The following KCNQ1 variants were observed in gnomAD, a reference collection of about 807,000 sequenced individuals.
KCNQ1 encodes potassium voltage-gated channel subfamily Q member 1, also known as potassium voltage-gated channel subfamily KQT member 1.
Under a neutral mutation model 72.4 loss-of-function variants are expected in KCNQ1, and 49 were observed. That is an observed-to-expected ratio of 0.68 (90% CI 0.54 to 0.86). The LOEUF (loss-of-function observed/expected upper bound fraction) is 0.86. Among genes scored for constraint, KCNQ1 ranks in the 40% least tolerant of loss-of-function variants. The probability of loss-of-function intolerance (pLI) is 0.00; values close to 1 mark genes in which losing one functional copy is unlikely to be tolerated. For synonymous variants in KCNQ1, 450 were observed against 412.6 expected (o/e 1.09, Z -1.10); for missense variants, 790 against 945.1 (o/e 0.84, Z 2.15).
Position 2,598,221 on chromosome 11 carries a change from C to G in KCNQ1, c.1393+9367C>G, listed in dbSNP as rs2133773169. Reference sequence around the variant, plus strand: ...GCAGCTTTAGCTGTGACACGTAGATCTGATTATGAAATATGTTCCTTTTCA... The same window carrying G: ...GCAGCTTTAGCTGTGACACGTAGATGTGATTATGAAATATGTTCCTTTTCA... On this transcript the variant is annotated intron_variant, in intron 10 of 15. Transcript: ENST00000155840. This position sits in a 1 kb window ranked among gnomAD's most constrained non-coding sequence, Gnocchi z 6.2. Among the ~76,000 whole-genome samples, 2 of 152,270 alleles carry G rather than the reference C, an allele frequency of 1.3e-5. No individual in the cohort carries two copies. Among genetic ancestry groups the G allele is most frequent in the South Asian group, 4.1e-4 (2 of 4,834 alleles).
chr11:2,728,768 G>T (rs1286884493), intron 11 of KCNQ1, among the ~76,000 whole-genome samples: 2 of 152,204 alleles, frequency 1.3e-5, no homozygotes, highest in East Asian at 3.8e-4. Flanking sequence ...GCTGAGGCCG[G>T]AGCAGAGCGT....
intron 10 of KCNQ1, chr11:2,629,641 A>G: frequency 2.5e-6 from 1 of 398,520 alleles, no homozygotes. Flanking sequence ...ATGCGTTCAT[A>G]TATGAAAGGA....
rs986222426 is a variant in KCNQ1 at position 2,475,784 on chromosome 11, T to A, written c.386+30300T>A. Reference sequence around the variant, plus strand: ...GTAATAGTGAATACGTCTCATAAGATCTGATGGTTTTAAAAAGAGGCATTC... The same window carrying A: ...GTAATAGTGAATACGTCTCATAAGAACTGATGGTTTTAAAAAGAGGCATTC... On this transcript the variant is annotated intron_variant, in intron 1 of 15. Coordinates refer to ENST00000155840, the MANE Select transcript of KCNQ1 (RefSeq NM_000218.3). The surrounding 1 kb of genome is among the most constrained non-coding windows in gnomAD (Gnocchi z 5.8). Among the ~76,000 whole-genome samples the A allele has an allele frequency of 2.6e-5, 4 of 152,168 alleles. No homozygotes were observed. Among genetic ancestry groups the A allele is most frequent in the African/African-American group, 4.8e-5 (2 of 41,422 alleles).
At chr11:2,539,025 G>A (rs934357003) in intron 2 of KCNQ1, among the ~76,000 whole-genome samples, 4 of 152,212 alleles carry the variant, frequency 2.6e-5, no homozygotes, top group African/African-American at 9.7e-5. Context: ...ACCTGGGTTT[G>A]AGGAACCTGG....
chr11:2,745,963 C>T lies in KCNQ1; in HGVS notation c.1515-22881C>T, dbSNP rs1487443208. On this transcript the variant is annotated intron_variant, in intron 11 of 15. Transcript: ENST00000155840. The surrounding 1 kb of genome is among the most constrained non-coding windows in gnomAD (Gnocchi z 6.2). ...GGAGTGCAGTGGTGCGATCTCGGCT[C>T]ACTGCAAACTCCACCTCCCGGGTTC... 1.3e-5 allele frequency among the ~76,000 whole-genome samples: 2 copies of T among 152,170 alleles called. No homozygotes were observed. The highest frequency in any genetic ancestry group is 2.9e-5 in the Non-Finnish European group (2 of 68,024).
chr11:2,637,173 C>CT (rs1849485594), intron 10 of KCNQ1: 1 of 151,722 alleles, frequency 6.6e-6, no homozygotes, highest in East Asian at 1.9e-4. Context: ...TTTTGTGTCT[C>CT]TATCTCCTTC....
chr11:2,834,743 A>T (rs1848027203), intron 15 of KCNQ1, among the ~76,000 whole-genome samples: 1 of 152,220 alleles, frequency 6.6e-6, no homozygotes, highest in Non-Finnish European at 1.5e-5. Context: ...CCCAAGCCCC[A>T]GATGGGCCTC....
Position 2,608,869 on chromosome 11 carries a change from C to A in KCNQ1, c.1393+20015C>A. The stretch of plus-strand genomic sequence containing the variant: ...GAGTTTTCTCTCTCCCCCTTTGCCT[C>A]ATGCACTTCCCTCTCTGTCTTTCCT... On this transcript the variant is annotated intron_variant, in intron 10 of 15. Coordinates refer to ENST00000155840, the MANE Select transcript of KCNQ1 (RefSeq NM_000218.3). This position sits in a 1 kb window ranked among gnomAD's most constrained non-coding sequence, Gnocchi z 4.6. 2.5e-6 allele frequency: 1 copy of A among 398,468 alleles called. No homozygotes were observed. 24.7% of individuals were successfully genotyped at this position (398,468 alleles called of 1,614,324 possible). A position where few individuals can be genotyped will look rare whatever the true frequency, so the allele number is the denominator to read the frequency against.
At chr11:2,583,755 CA>C (rs974345044) in intron 7 of KCNQ1, among the ~76,000 whole-genome samples, 6 of 152,218 alleles carry the variant, frequency 3.9e-5, no homozygotes, top group African/African-American at 1.4e-4. Flanking sequence ...GGGGTCCTTG[CA>C]GGCAGTGTGG....
chr11:2,620,503 ACCG>A lies in KCNQ1; in HGVS notation c.1393+31651_1393+31653del, dbSNP rs1381157977. The A allele has an allele frequency of 8.0e-6, 3 of 372,986 alleles. No homozygotes were observed. The East Asian group carries it at 1.2e-4, about 14-fold the overall frequency. The allele number at this position is 372,986 out of a possible 1,614,324, so 23.1% of individuals were successfully genotyped here. Reference sequence around the variant, plus strand: ...AGTGCTGGGATTACAGGTGAGAGCTACCGCACCTGGCCGAATTCATTCATTTTT... The same window carrying A: ...AGTGCTGGGATTACAGGTGAGAGCTACACCTGGCCGAATTCATTCATTTTT... On this transcript the variant is annotated intron_variant, in intron 10 of 15. Coordinates refer to ENST00000155840, the MANE Select transcript of KCNQ1 (RefSeq NM_000218.3). The surrounding 1 kb of genome is among the most constrained non-coding windows in gnomAD (Gnocchi z 4.5).
chr11:2,489,430 T>C (rs1192836108), intron 1 of KCNQ1, among the ~76,000 whole-genome samples: 5 of 152,180 alleles, frequency 3.3e-5, no homozygotes, highest in Non-Finnish European at 4.4e-5. Flanking sequence ...CACCACGGGC[T>C]AAAGTGCTCT....
At chr11:2,688,951 CTAGGGCTCTGAGAG>C in intron 11 of KCNQ1, 1 of 398,858 alleles carries the variant, frequency 2.5e-6, no homozygotes, top group South Asian at 1.3e-4. Context: ...CCCACTGGGC[CTAGGGCTCTGAGAG>C]TAGGGGTCTG....
intron 15 of KCNQ1, among the ~76,000 whole-genome samples, chr11:2,788,219 C>T (rs1358487647): frequency 2.0e-5 from 3 of 152,108 alleles, no homozygotes; most frequent in African/African-American, 7.2e-5. Context: ...CCACAGCATC[C>T]TCCCCAAGTT....
intron 1 of KCNQ1, among the ~76,000 whole-genome samples, chr11:2,459,159 C>T (rs977038808): frequency 2.0e-5 from 3 of 152,184 alleles, no homozygotes; most frequent in Admixed American, 6.5e-5. Flanking sequence ...CATGTTACCT[C>T]AACTGCAAAA....
rs553236946 is a variant in KCNQ1 at position 2,699,548 on chromosome 11, C to G, written c.1514+37467C>G. 63 of 355,238 alleles carry G rather than the reference C, an allele frequency of 1.8e-4. No individual in the cohort carries two copies. Among genetic ancestry groups the G allele is most frequent in the African/African-American group, 1.4e-3 (62 of 44,174 alleles). The allele number at this position is 355,238 out of a possible 1,614,324, so 22.0% of individuals were successfully genotyped here. ...CCGCGCTGAGGAGGCCCAGGGAGGA[C>G]CGCGCGGAGGAGAACCATGCTGAGG... On this transcript the variant is annotated intron_variant, in intron 11 of 15. Transcript: ENST00000155840.
intron 11 of KCNQ1, among the ~76,000 whole-genome samples, chr11:2,757,879 T>A (rs747357683): frequency 6.6e-6 from 1 of 152,248 alleles, no homozygotes; most frequent in Non-Finnish European, 1.5e-5. Flanking sequence ...ATTAAAACCC[T>A]GACCTAAGTC....
In KCNQ1 at chr11:2,725,303, C is replaced by A. The variant is rs1036068574; in HGVS notation, c.1515-43541C>A. Among the ~76,000 whole-genome samples the A allele has an allele frequency of 6.6e-6, 1 of 152,204 alleles. No homozygotes were observed. The highest frequency in any genetic ancestry group is 2.4e-5 in the African/African-American group (1 of 41,452). On this transcript the variant is annotated intron_variant, in intron 11 of 15. Transcript: ENST00000155840. The surrounding 1 kb of genome is among the most constrained non-coding windows in gnomAD (Gnocchi z 7.2). Reference sequence around the variant, plus strand: ...AGGGTCGGGGGCTCAGCCACGGGACCAGCGCTTGCCAGAAATGTTCCCAGC... The same window carrying A: ...AGGGTCGGGGGCTCAGCCACGGGACAAGCGCTTGCCAGAAATGTTCCCAGC...
chr11:2,510,574 C>G (rs1038532692), intron 1 of KCNQ1, among the ~76,000 whole-genome samples: 1 of 152,194 alleles, frequency 6.6e-6, no homozygotes, highest in African/African-American at 2.4e-5. Flanking sequence ...CCACTGCACT[C>G]CAGTCTGGGT....
Position 2,830,035 on chromosome 11 carries a change from GGGAGGAGGAAGGAGGAGGGA to G in KCNQ1, c.1795-17726_1795-17707del. 9.7e-6 allele frequency among the ~76,000 whole-genome samples: 1 copy of G among 103,496 alleles called. No homozygotes were observed. The highest frequency in any genetic ancestry group is 2.3e-5 in the Non-Finnish European group (1 of 43,608). The allele number at this position is 103,496 out of a possible 152,430, so 67.9% of individuals were successfully genotyped here. On this transcript the variant is annotated intron_variant, in intron 15 of 15. Transcript: ENST00000155840. The surrounding 1 kb of genome is among the most constrained non-coding windows in gnomAD (Gnocchi z 7.7). ...GAGGAGGAAGGAGGAGGAAGGAGGA[GGGAGGAGGAAGGAGGAGGGA>G]GGAGGGAGGAAGAGAGAGAAGGAAG...
Sources: allele counts gnomAD v4.1 joint callset (sites outside exome capture counted in the v4.1 genomes callset), GRCh38; gene constraint gnomAD v4.1.1; non-coding constraint Gnocchi (gnomAD v3.1); transcripts MANE v1.5; gene names NCBI Gene and HGNC (gene_info 2026-07-23, HGNC 2026-07-21).